The following ASPH variants were observed in gnomAD, a reference collection of about 807,000 sequenced individuals.
ASPH encodes the protein aspartate beta-hydroxylase, also known as aspartyl/asparaginyl beta-hydroxylase.
ASPH carries 100 observed loss-of-function variants against 118.4 expected under a neutral mutation model. The observed-to-expected ratio is 0.84, with a 90% CI of 0.72 to 1.00. The LOEUF is 1.00. Ranked by LOEUF, ASPH falls within the 50% of genes least tolerant of loss-of-function variation. ASPH has a pLI of 0.00. For missense variants in ASPH, 920 were observed against 919.5 expected (o/e 1.00, Z -0.01); for synonymous variants, 315 against 325.6 (o/e 0.97, Z 0.35).
intron 1 of ASPH, chr8:61,689,589 T>C (rs1245618855): frequency 2.2e-6 from 3 of 1,379,412 alleles, no homozygotes; most frequent in Non-Finnish European, 3.0e-6. Flanking sequence ...GCCAAAAATA[T>C]TTTAACAGAG....
chr8:61,638,352 G>A lies in ASPH; in HGVS notation c.802C>T (p.Pro268Ser). 1.9e-6 allele frequency: 3 copies of A among 1,580,362 alleles called. No individual in the cohort carries two copies. The highest frequency in any genetic ancestry group is 1.2e-5 in the South Asian group (1 of 84,730). Residue 268 changes from proline (P) to serine (S), a missense_variant, in exon 11 of 25, where the codon CCT becomes TCT. By Grantham distance (74) the Pro-to-Ser change is moderately conservative (BLOSUM62 -1). Transcript: ENST00000379454. ...QVYEEQAVYE[P>S]LENEGIEITE... ...ATTTCTATCCCTTCATTTTCTAGAG[G>A]TTCATATACTGCTAAAAAAAAAAAA...
At chr8:61,664,856 C>G in intron 3 of ASPH, 1 of 991,552 alleles carries the variant, frequency 1.0e-6, no homozygotes, top group Non-Finnish European at 1.2e-6. Flanking sequence ...CGAGCAAATC[C>G]ATCTCCCTGA....
Position 61,714,554 on chromosome 8 carries a change from G to A in ASPH, c.-183C>T. ...CTGGGAAGACTTCACCCGCCTGCCGGCTGCGCGCGCCCGGCCTCGCGTGTA... is the reference window on the plus strand; with the variant it reads ...CTGGGAAGACTTCACCCGCCTGCCGACTGCGCGCGCCCGGCCTCGCGTGTA... On this transcript the variant is annotated 5_prime_UTR_variant, in exon 1 of 25. Transcript: ENST00000379454. 1.1e-6 allele frequency: 1 copy of A among 941,052 alleles called. No individual in the cohort carries two copies. The allele number at this position is 941,052 out of a possible 1,614,324, so 58.3% of individuals were successfully genotyped here. A position where few individuals can be genotyped will look rare whatever the true frequency, so the allele number is the denominator to read the frequency against.
At chr8:61,671,444 G>C (rs1022963225) in intron 3 of ASPH, among the ~76,000 whole-genome samples, 2 of 152,070 alleles carry the variant, frequency 1.3e-5, no homozygotes, top group African/African-American at 2.4e-5. Flanking sequence ...CTATCAATTC[G>C]AGCAAAAATG....
At chr8:61,628,489 G>C (rs917121036) in intron 13 of ASPH, 6 of 202,802 alleles carry the variant, frequency 3.0e-5, no homozygotes, top group Non-Finnish European at 6.2e-5. Context: ...TTTAAACATA[G>C]TATATAACAT....
chr8:61,637,974 C>T lies in ASPH; in HGVS notation c.862G>A (p.Val288Ile), dbSNP rs146557853. The change falls in exon 12 of 25, where the codon GTA becomes ATA. Residue 288 changes from valine (V) to isoleucine (I), a missense_variant. Val to Ile is a conservative substitution (Grantham distance 29). Transcript: ENST00000379454. ...TCTACAATTACCTGTGAATCTTCTACAGGATTATCCTCAGGGGGAGCAGTT... is the reference window on the plus strand; with the variant it reads ...TCTACAATTACCTGTGAATCTTCTATAGGATTATCCTCAGGGGGAGCAGTT... ...EVTAPPEDNP[V>I]EDSQVIVEEV... 6.2e-7 allele frequency: 1 copy of T among 1,610,296 alleles called. No homozygotes were observed. The highest frequency in any genetic ancestry group is 8.5e-7 in the Non-Finnish European group (1 of 1,178,584).
intron 3 of ASPH, among the ~76,000 whole-genome samples, chr8:61,674,957 T>C (rs1289272505): frequency 6.6e-6 from 1 of 152,134 alleles, no homozygotes; most frequent in Non-Finnish European, 1.5e-5. Context: ...AAAAGTAACA[T>C]CCCTTTCCTT....
chr8:61,554,711 GTTTT>G (rs201410659), intron 19 of ASPH, among the ~76,000 whole-genome samples: 1 of 151,704 alleles, frequency 6.6e-6, no homozygotes, highest in Non-Finnish European at 1.5e-5. Flanking sequence ...GTCTTGCTCT[GTTTT>G]TTTTGTTTGT....
chr8:61,638,164 G>A, intron 11 of ASPH, 158 bp downstream of exon 11: 1 of 1,166,404 alleles, frequency 8.6e-7, no homozygotes, highest in East Asian at 2.6e-5. Flanking sequence ...ATTTATATTA[G>A]AATATTAACT....
intron 1 of ASPH, among the ~76,000 whole-genome samples, chr8:61,706,020 A>G (rs981460911): frequency 1.3e-5 from 2 of 152,238 alleles, no homozygotes; most frequent in Non-Finnish European, 1.5e-5. Context: ...ATGTTAATTT[A>G]AAAATACTAT....
Position 61,502,807 on chromosome 8 carries a change from T to C in ASPH, c.*552A>G, listed in dbSNP as rs1228750499. ...TTTTGTTAGGAAAATAAAACTGCTT[T>C]TTTCATGAGTATCTTTTACTAAGAA... On this transcript the variant is annotated 3_prime_UTR_variant, in exon 25 of 25. Transcript: ENST00000379454. 2 of 152,194 alleles carry C rather than the reference T, an allele frequency of 1.3e-5. No homozygotes were observed. Among genetic ancestry groups the C allele is most frequent in the Non-Finnish European group, 2.9e-5 (2 of 68,026 alleles). The allele number at this position is 152,194 out of a possible 1,614,324, so 9.4% of individuals were successfully genotyped here. A position where few individuals can be genotyped will look rare whatever the true frequency, so the allele number is the denominator to read the frequency against.
At chr8:61,593,312 T>C (rs114446767) in intron 14 of ASPH, among the ~76,000 whole-genome samples, 2,534 of 152,308 alleles carry the variant, frequency 0.017, 77 homozygotes, top group African/African-American at 0.058. Flanking sequence ...CTATAGGTAT[T>C]ACCAGAAGAA....
chr8:61,549,368 C>T (rs2130931200), intron 20 of ASPH, among the ~76,000 whole-genome samples: 1 of 152,218 alleles, frequency 6.6e-6, no homozygotes, highest in Admixed American at 6.5e-5. Flanking sequence ...AATGTTGAAA[C>T]TAAGGTTTAT....
chr8:61,707,782 A>C (rs573038781), intron 1 of ASPH, among the ~76,000 whole-genome samples: 1 of 152,224 alleles, frequency 6.6e-6, no homozygotes, highest in Non-Finnish European at 1.5e-5. Context: ...ATTTCAAACA[A>C]ATGCTGTCAA....
chr8:61,561,230 C>A lies in ASPH; in HGVS notation c.1437+1514G>T, dbSNP rs571546534. ...GTTTGTTATAGCTTCACAATTCTTA[C>A]ATTCACAGACCCTGATTCACTGAGG... On this transcript the variant is annotated intron_variant, in intron 18 of 24. Coordinates refer to ENST00000379454, the MANE Select transcript of ASPH (RefSeq NM_004318.4). 1.1e-4 allele frequency among the ~76,000 whole-genome samples: 17 copies of A among 152,266 alleles called. No individual in the cohort carries two copies. The East Asian group carries it at 1.2e-3, about 10-fold the overall frequency.
intron 4 of ASPH, among the ~76,000 whole-genome samples, chr8:61,653,110 G>T (rs12677072): frequency 0.033 from 4,974 of 152,202 alleles, 214 homozygotes; most frequent in South Asian, 0.2. Flanking sequence ...CACAAAACAG[G>T]CTCCATAGAT....
chr8:61,711,082 A>ATAATAG (rs1837956029), intron 1 of ASPH, among the ~76,000 whole-genome samples: 1 of 151,942 alleles, frequency 6.6e-6, no homozygotes, highest in Non-Finnish European at 1.5e-5. Flanking sequence ...GACGGATTAA[A>ATAATAG]TAATAATTAA....
In ASPH at chr8:61,704,727, G is replaced by C. The variant is rs1243895757; in HGVS notation, c.103+9542C>G. On this transcript the variant is annotated intron_variant, in intron 1 of 24. Transcript: ENST00000379454. ...CCAATAAGCACAAGAAAAAGTGCTT[G>C]ACATCATTATTCATCAGGGAATTGC... is the stretch of plus-strand genomic sequence containing the variant. Among the ~76,000 whole-genome samples, 4 of 152,242 alleles carry C rather than the reference G, an allele frequency of 2.6e-5. No homozygotes were observed. In the East Asian group the frequency reaches 7.7e-4, roughly 29 times the overall value.
At chr8:61,519,406 A>G (rs1332758572) in intron 22 of ASPH, among the ~76,000 whole-genome samples, 2 of 152,206 alleles carry the variant, frequency 1.3e-5, no homozygotes, top group Non-Finnish European at 2.9e-5. Flanking sequence ...ATTGACAAAA[A>G]TTCTTACATA....
Sources: allele counts gnomAD v4.1 joint callset (sites outside exome capture counted in the v4.1 genomes callset), GRCh38; gene constraint gnomAD v4.1.1; transcripts MANE v1.5; gene names NCBI Gene and HGNC (gene_info 2026-07-23, HGNC 2026-07-21).